HIVEP1: variants seen among roughly 807,000 people sequenced by gnomAD.
HIVEP1 encodes the protein zinc finger protein 40.
In HIVEP1, 36 loss-of-function variants were observed where a neutral mutation model predicts 180.0. The observed-to-expected ratio is 0.20, with a 90% CI of 0.15 to 0.26. HIVEP1 has a LOEUF of 0.26. Ranked by LOEUF, HIVEP1 falls within the 10% of genes least tolerant of loss-of-function variation. HIVEP1 has a pLI of 1.00. For missense variants in HIVEP1, 3,143 were observed against 3,268.7 expected, an observed-to-expected ratio of 0.96 and a Z score of 0.94; for synonymous variants, 1,239 against 1,239.0, an observed-to-expected ratio of 1.00 and a Z score of 0.00.
At chr6:12,079,708 G>T (rs1326608278) in intron 2 of HIVEP1, among the ~76,000 whole-genome samples, 1 of 152,162 alleles carries the variant, frequency 6.6e-6, no homozygotes, top group African/African-American at 2.4e-5. Flanking sequence ...TGATTTAATT[G>T]GAGTGGGGTG....
At chr6:12,098,142 T>A (rs917412318) in intron 3 of HIVEP1, among the ~76,000 whole-genome samples, 1 of 152,206 alleles carries the variant, frequency 6.6e-6, no homozygotes, top group African/African-American at 2.4e-5. Context: ...GACACAGTGC[T>A]CTTATAATTG....
At position 12,161,769 on chromosome 6, in the gene HIVEP1, C is replaced by T. The variant is rs756191898; in HGVS notation, c.6818C>T (p.Ser2273Phe). Residue 2273 changes from serine to phenylalanine, a missense_variant, in exon 8 of 9, where the codon TCT (serine) becomes TTT (phenylalanine). This residue lies in a region of HIVEP1 where 595 missense variants were observed against 602.2 expected (regional missense o/e 0.99). Transcript: ENST00000379388. ...AQSDYNRKTL[S>F]PGKARQRAAR... is the part of the protein sequence containing the mutation. ...TCTGACTACAATAGGAAGACACTCT[C>T]TCCGGGGAAGGCCAGGCAGCGTGCT... is the stretch of plus-strand genomic sequence containing the variant. 27 of 1,614,078 alleles carry T rather than the reference C, an allele frequency of 1.7e-5. No individual in the cohort carries two copies. The highest frequency in any genetic ancestry group is 1.8e-5 in the Non-Finnish European group (21 of 1,180,034).
At position 12,121,863 on chromosome 6, in the gene HIVEP1, A is replaced by C. The variant is rs1306667015; in HGVS notation, c.2068A>C (p.Thr690Pro). The change falls in exon 4 of 9, where the codon ACT becomes CCT. Residue 690 changes from threonine (T) to proline (P), a missense_variant. Physicochemically the swap from Thr to Pro is conservative, Grantham distance 38. Around this residue, in one of 12 missense-constraint regions of HIVEP1, gnomAD observed 365 missense variants for 344.4 expected, o/e 1.06. Transcript: ENST00000379388. This position sits in a 1 kb window ranked among gnomAD's most constrained non-coding sequence, Gnocchi z 5.3. ...ESADQTVSPP[T>P]PFARRLPSTE... is the part of the protein sequence containing the mutation. Reference sequence around the variant, plus strand: ...TGCCGATCAAACAGTGAGTCCACCAACTCCCTTTGCCAGAAGGTTACCCAG... The same window carrying C: ...TGCCGATCAAACAGTGAGTCCACCACCTCCCTTTGCCAGAAGGTTACCCAG... 6.2e-7 allele frequency: 1 copy of C among 1,614,112 alleles called. No homozygotes were observed. Among genetic ancestry groups the C allele is most frequent in the Non-Finnish European group, 8.5e-7 (1 of 1,180,030 alleles).
chr6:12,114,572 T>C (rs2113475608), intron 3 of HIVEP1, among the ~76,000 whole-genome samples: 1 of 152,208 alleles, frequency 6.6e-6, no homozygotes, highest in Admixed American at 6.5e-5. Flanking sequence ...CACCGCATAT[T>C]CCCAGATCTG....
At chr6:12,074,643 T>TGTGTGTGTGTGTGTGTGTGTGTGTGC (rs573970756) in intron 2 of HIVEP1, among the ~76,000 whole-genome samples, 1 of 148,026 alleles carries the variant, frequency 6.8e-6, no homozygotes, top group South Asian at 2.1e-4. Flanking sequence ...TGTGTGTGTG[T>TGTGTGTGTGTGTGTGTGTGTGTGTGC]GCGCGCGCGT....
In HIVEP1 at chr6:12,120,196, C is replaced by T. The variant is rs780311455; in HGVS notation, c.401C>T (p.Pro134Leu). Residue 134 changes from proline (P) to leucine (L), a missense_variant, in exon 4 of 9, where the codon CCC (proline) becomes CTC (leucine). Physicochemically the swap from Pro to Leu is moderately conservative, Grantham distance 98. Around this residue, in one of 12 missense-constraint regions of HIVEP1, gnomAD observed 306 missense variants for 310.6 expected, o/e 0.99. Coordinates refer to ENST00000379388, the MANE Select transcript of HIVEP1 (RefSeq NM_002114.4). ...KSEESVSPKK[P>L]LFLQQPSELR... is the part of the protein sequence containing the mutation. ...GAAGAATCTGTCTCCCCAAAGAAGCCCTTGTTTCTGCAGCAACCATCTGAA... is the reference window on the plus strand; with the variant it reads ...GAAGAATCTGTCTCCCCAAAGAAGCTCTTGTTTCTGCAGCAACCATCTGAA... 3 of 1,614,132 alleles carry T rather than the reference C, an allele frequency of 1.9e-6. No homozygotes were observed. Among genetic ancestry groups the T allele is most frequent in the East Asian group, 2.2e-5 (1 of 44,880 alleles).
intron 2 of HIVEP1, among the ~76,000 whole-genome samples, chr6:12,052,593 T>G (rs1770611644): frequency 6.6e-6 from 1 of 152,210 alleles, no homozygotes; most frequent in African/African-American, 2.4e-5. Flanking sequence ...AAAACTATCT[T>G]ATGAGGCAGA....
At chr6:12,207,742 A>AAATAATAATGATAATAATAATAAT in the HIVEP1 span, among the ~76,000 whole-genome samples, 11 of 138,176 alleles carry the variant, frequency 8.0e-5, no homozygotes, top group Admixed American at 3.8e-4. Flanking sequence ...AGTCTCTACA[A>AAATAATAATGATAATAATAATAAT]AATAATAATA....
At chr6:12,195,053 C>G in the HIVEP1 span, among the ~76,000 whole-genome samples, 1 of 152,116 alleles carries the variant, frequency 6.6e-6, no homozygotes, top group African/African-American at 2.4e-5. Flanking sequence ...GAAATTTCCT[C>G]ACAAGAAAAA....
At chr6:12,075,728 G>C (rs1023470422) in intron 2 of HIVEP1, among the ~76,000 whole-genome samples, 3 of 151,584 alleles carry the variant, frequency 2.0e-5, no homozygotes, top group Admixed American at 6.6e-5. Context: ...TTACTACTCT[G>C]GCTACTTCCA....
At chr6:12,011,355 C>G (rs944892299), upstream of HIVEP1, among the ~76,000 whole-genome samples, 5 of 147,554 alleles carry the variant, frequency 3.4e-5, no homozygotes, top group Admixed American at 3.4e-4. Context: ...GCGGCCGGCC[C>G]ACATCCTGCT....
intron 3 of HIVEP1, among the ~76,000 whole-genome samples, chr6:12,110,936 T>C (rs1774848524): frequency 6.6e-6 from 1 of 152,214 alleles, no homozygotes; most frequent in Non-Finnish European, 1.5e-5. Context: ...TTAGAGGCCC[T>C]TGTAGGCTTA....
chr6:12,022,951 T>G (rs1005900055), intron 2 of HIVEP1, among the ~76,000 whole-genome samples: 3 of 152,218 alleles, frequency 2.0e-5, no homozygotes, highest in Admixed American at 2.0e-4. Flanking sequence ...CTTGCCTCGT[T>G]TTTTGACAGT....
Position 12,109,010 on chromosome 6 carries a change from C to T in HIVEP1, c.95-10880C>T, listed in dbSNP as rs571805731. ...TTTACTTTTTTTTGAGACAGACTCT[C>T]GCTCTGTCGCCCAGGCTGGAGTGCA... On this transcript the variant is annotated intron_variant, in intron 3 of 8. Coordinates refer to ENST00000379388, the MANE Select transcript of HIVEP1 (RefSeq NM_002114.4). Among the ~76,000 whole-genome samples the T allele has an allele frequency of 7.0e-4, 107 of 152,246 alleles. 1 individual carries two copies. The highest frequency in any genetic ancestry group is 2.3e-3 in the African/African-American group (97 of 41,540).
At position 12,063,519 on chromosome 6, in the gene HIVEP1, C is replaced by T. The variant is rs576330914; in HGVS notation, c.41-25665C>T. ...GCTCATGTTGGCAGGTGTGGCTGCA[C>T]GTGGAAGGTGGGTTGGAAGGCAGGG... On this transcript the variant is annotated intron_variant, in intron 2 of 8. Transcript: ENST00000379388. This position sits in a 1 kb window ranked among gnomAD's most constrained non-coding sequence, Gnocchi z 4.2. 6.1e-4 allele frequency among the ~76,000 whole-genome samples: 92 copies of T among 152,008 alleles called. No homozygotes were observed. The highest frequency in any genetic ancestry group is 2.0e-3 in the African/African-American group (84 of 41,434).
intron 3 of HIVEP1, among the ~76,000 whole-genome samples, chr6:12,117,962 A>G (rs1424543189): frequency 6.6e-6 from 1 of 152,226 alleles, no homozygotes; most frequent in Admixed American, 6.5e-5. Context: ...CAAAAAGTGC[A>G]TCACTGACTT....
rs1432032027 is a variant in HIVEP1 at position 12,121,423 on chromosome 6, G to A, written c.1628G>A (p.Gly543Asp). 1 of 1,614,020 alleles carries A rather than the reference G, an allele frequency of 6.2e-7. No individual in the cohort carries two copies. The highest frequency in any genetic ancestry group is 1.3e-5 in the African/African-American group (1 of 74,916). Residue 543 changes from glycine (G) to aspartate (D), a missense_variant, in exon 4 of 9, where the codon GGT (glycine) becomes GAT (aspartate). By Grantham distance (94) the Gly-to-Asp change is moderately conservative. Transcript: ENST00000379388. The surrounding 1 kb of genome is among the most constrained non-coding windows in gnomAD (Gnocchi z 5.3). The stretch of plus-strand genomic sequence containing the variant: ...CCAAGCAGTCCAGAAAATGTGATAG[G>A]TGACTTTTTGCTACAGGACAGATCT... ...FTPSSPENVI[G>D]DFLLQDRSAE...
At chr6:12,010,748 C>T (rs887570112), upstream of HIVEP1, among the ~76,000 whole-genome samples, 2 of 152,130 alleles carry the variant, frequency 1.3e-5, no homozygotes, top group Non-Finnish European at 2.9e-5. Flanking sequence ...TAGGTCTAAC[C>T]CTGAAAACCT....
chr6:12,088,403 A>G (rs1773238877), intron 2 of HIVEP1, among the ~76,000 whole-genome samples: 1 of 152,136 alleles, frequency 6.6e-6, no homozygotes, highest in Non-Finnish European at 1.5e-5. Flanking sequence ...TAAATTTGGA[A>G]TCGATTACTG....
Sources: allele counts gnomAD v4.1 joint callset (sites outside exome capture counted in the v4.1 genomes callset), GRCh38; gene constraint gnomAD v4.1.1; regional missense constraint gnomAD v4.1.1; non-coding constraint Gnocchi (gnomAD v3.1); transcripts MANE v1.5; gene names NCBI Gene and HGNC (gene_info 2026-07-23, HGNC 2026-07-21).